CTBP2: variants seen among roughly 807,000 people sequenced by gnomAD.
CTBP2 encodes C-terminal binding protein 2, also known as C-terminal-binding protein 2.
Under a neutral mutation model 80.3 loss-of-function variants are expected in CTBP2, and 30 were observed. That is an observed-to-expected ratio of 0.37 (90% CI 0.28 to 0.51). The LOEUF is 0.51. Among genes scored for constraint, CTBP2 ranks in the 20% least tolerant of loss-of-function variants. The pLI is 0.93. For synonymous variants in CTBP2, 594 were observed against 587.4 expected, an observed-to-expected ratio of 1.01 and a Z score of -0.16; for missense variants, 1,212 against 1,375.3, an observed-to-expected ratio of 0.88 and a Z score of 1.88.
intron 2 of CTBP2, among the ~76,000 whole-genome samples, chr10:125,052,266 C>G (rs1307487673): frequency 6.6e-6 from 1 of 152,156 alleles, no homozygotes; most frequent in Non-Finnish European, 1.5e-5. Context: ...GGAGAGGCAA[C>G]CTTCACCCTC....
At chr10:124,990,619 C>T (rs915307136) in intron 8 of CTBP2, among the ~76,000 whole-genome samples, 1 of 152,232 alleles carries the variant, frequency 6.6e-6, no homozygotes, top group Non-Finnish European at 1.5e-5. Context: ...GATTTCCCAA[C>T]AGAGTACAAT....
intron 1 of CTBP2, among the ~76,000 whole-genome samples, chr10:125,121,457 T>C (rs1388321700): frequency 1.3e-5 from 2 of 152,226 alleles, no homozygotes; most frequent in African/African-American, 2.4e-5. Flanking sequence ...GAGATTTCAA[T>C]TGAAAATGAA....
intron 2 of CTBP2, among the ~76,000 whole-genome samples, chr10:125,103,131 T>C (rs554659773): frequency 1.3e-5 from 2 of 151,990 alleles, no homozygotes; most frequent in Non-Finnish European, 2.9e-5. Flanking sequence ...CCTGAACAGG[T>C]AGTATAACAT....
intron 1 of CTBP2, among the ~76,000 whole-genome samples, chr10:125,022,644 C>T (rs1228140308): frequency 6.6e-6 from 1 of 152,244 alleles, no homozygotes; most frequent in Non-Finnish European, 1.5e-5. Flanking sequence ...GGTTTCCTTG[C>T]TCCCTTACAA....
At chr10:125,015,131 A>T (rs185298406) in intron 1 of CTBP2, among the ~76,000 whole-genome samples, 209 of 152,312 alleles carry the variant, frequency 1.4e-3, no homozygotes, top group African/African-American at 4.8e-3. Flanking sequence ...ATAGCGCAGT[A>T]ATGGGGAAAC....
intron 2 of CTBP2, among the ~76,000 whole-genome samples, chr10:125,075,261 C>T (rs1010270784): frequency 2.0e-5 from 3 of 152,166 alleles, no homozygotes; most frequent in African/African-American, 7.2e-5. Context: ...CCACAGTTCG[C>T]ATATGGCCCC....
rs1203133480 is a variant in CTBP2, at chr10:124,988,068, G to T, written c.*1450C>A. 2.6e-5 allele frequency: 4 copies of T among 151,386 alleles called. No homozygotes were observed. The highest frequency in any genetic ancestry group is 4.4e-5 in the Non-Finnish European group (3 of 67,688). 9.4% of individuals were successfully genotyped at this position (151,386 alleles called of 1,614,324 possible). A position where few individuals can be genotyped will look rare whatever the true frequency, so the allele number is the denominator to read the frequency against. ...AGAACTCTAAAAGTTGAGCAACTTT[G>T]TTTTTTTTTGAATTGATTTAGCACT... is the stretch of plus-strand genomic sequence containing the variant. On this transcript the variant is annotated 3_prime_UTR_variant, in exon 9 of 9. Coordinates refer to ENST00000309035, the MANE Select transcript of CTBP2 (RefSeq NM_022802.3).
Position 125,095,238 on chromosome 10 carries a change from G to T in CTBP2, c.-102+15752C>A, listed in dbSNP as rs991469995. Among the ~76,000 whole-genome samples, 4 of 152,270 alleles carry T rather than the reference G, an allele frequency of 2.6e-5. No individual in the cohort carries two copies. The South Asian group carries it at 8.3e-4, about 32-fold the overall frequency. ...AAAATGAATCCCTAAATGTGAGAAG[G>T]TCTCTACTGACAAAGGCAAACAGAG... is the stretch of plus-strand genomic sequence containing the variant. On this transcript the variant is annotated intron_variant, in intron 2 of 10. Transcript: ENST00000337195.
intron 1 of CTBP2, among the ~76,000 whole-genome samples, chr10:125,022,317 T>G (rs575837062): frequency 6.6e-6 from 1 of 152,234 alleles, no homozygotes; most frequent in Non-Finnish European, 1.5e-5. Flanking sequence ...CACAGTTAAC[T>G]GTCCTTTTAT....
chr10:124,988,226 C>T lies in CTBP2; in HGVS notation c.*1292G>A, dbSNP rs528622146. 24 of 152,722 alleles carry T rather than the reference C, an allele frequency of 1.6e-4. No homozygotes were observed. The highest frequency in any genetic ancestry group is 5.3e-4 in the African/African-American group (22 of 41,562). 9.5% of individuals were successfully genotyped at this position (152,722 alleles called of 1,614,324 possible). On this transcript the variant is annotated 3_prime_UTR_variant, in exon 9 of 9. Coordinates refer to ENST00000309035, the MANE Select transcript of CTBP2 (RefSeq NM_022802.3). ...CGGTCTTGAGTCTGGTTATGGAACC[C>T]TGTAGTAACAAGAGCTGGAAATTGG...
intron 2 of CTBP2, among the ~76,000 whole-genome samples, chr10:125,076,666 C>A (rs1039348646): frequency 6.6e-6 from 1 of 152,210 alleles, no homozygotes; most frequent in African/African-American, 2.4e-5. Flanking sequence ...ACACTTGGCA[C>A]AAAAGGACCA....
intron 2 of CTBP2, among the ~76,000 whole-genome samples, chr10:125,094,642 G>A (rs1055998490): frequency 2.6e-5 from 4 of 152,082 alleles, no homozygotes; most frequent in African/African-American, 7.2e-5. Context: ...GGTCATGCCG[G>A]GGTGGGGAGG....
At chr10:125,049,686 C>T (rs1041020181) in intron 2 of CTBP2, among the ~76,000 whole-genome samples, 11 of 152,086 alleles carry the variant, frequency 7.2e-5, no homozygotes, top group Admixed American at 2.0e-4. Flanking sequence ...TCAAGCTGGA[C>T]GGGCAGAGAT....
chr10:125,161,754 G>C (rs1458215781), upstream of CTBP2, among the ~76,000 whole-genome samples: 1 of 152,006 alleles, frequency 6.6e-6, no homozygotes, highest in Non-Finnish European at 1.5e-5. Flanking sequence ...CCTGGATCTC[G>C]CCGGGGCATT....
At chr10:125,077,935 C>G (rs192045902) in intron 2 of CTBP2, among the ~76,000 whole-genome samples, 281 of 152,302 alleles carry the variant, frequency 1.8e-3, no homozygotes, top group African/African-American at 6.3e-3. Flanking sequence ...CTGGGTGGTG[C>G]TGATGGGGGG....
At chr10:125,132,096 A>ATTT (rs1166448232) in intron 1 of CTBP2, among the ~76,000 whole-genome samples, 1 of 152,240 alleles carries the variant, frequency 6.6e-6, no homozygotes, top group Non-Finnish European at 1.5e-5. Flanking sequence ...CAGAAAAGAG[A>ATTT]GGCCAACAAC....
intron 1 of CTBP2, among the ~76,000 whole-genome samples, chr10:125,133,287 T>C (rs909412464): frequency 6.6e-6 from 1 of 152,242 alleles, no homozygotes; most frequent in South Asian, 2.1e-4. Context: ...TGATTACTGG[T>C]AAGTATGTAG....
At chr10:125,082,548 C>G (rs1166791554) in intron 2 of CTBP2, among the ~76,000 whole-genome samples, 1 of 151,146 alleles carries the variant, frequency 6.6e-6, no homozygotes, top group Non-Finnish European at 1.5e-5. Flanking sequence ...GCACAAGTCA[C>G]GTTTGCACAC....
chr10:125,139,009 TA>T (rs1256592272), intron 1 of CTBP2, among the ~76,000 whole-genome samples: 1 of 152,182 alleles, frequency 6.6e-6, no homozygotes, highest in Non-Finnish European at 1.5e-5. Context: ...CATTAGCCAT[TA>T]CTATTATGCA....
Sources: gnomAD v4.1 joint callset for allele counts (sites outside exome capture counted in the v4.1 genomes callset) on GRCh38, gnomAD v4.1.1 for gene constraint, MANE v1.5 for transcripts, NCBI Gene and HGNC (gene_info 2026-07-23, HGNC 2026-07-21) for gene names.